The following SRRM2 variants were observed in gnomAD, a reference collection of about 807,000 sequenced individuals.
SRRM2 encodes the protein serine/arginine repetitive matrix protein 2.
In SRRM2, 30 loss-of-function variants were observed where a neutral mutation model predicts 213.8. The ratio of observed to expected loss-of-function variants is 0.14; its 90% CI spans 0.10 to 0.19. The LOEUF (loss-of-function observed/expected upper bound fraction) is 0.19, where lower values mean the gene tolerates loss of function less well. SRRM2 is among the 10% of genes least tolerant of loss of function. The pLI, the probability that SRRM2 is intolerant of heterozygous loss-of-function variation, is 1.00. For missense variants in SRRM2, 4,904 were observed against 3,647.0 expected, an observed-to-expected ratio of 1.34 and a Z score of -8.88; for synonymous variants, 2,025 against 1,377.7, an observed-to-expected ratio of 1.47 and a Z score of -10.40.
Position 2,756,619 on chromosome 16 carries a change from T to C in SRRM2, c.242+13T>C, listed in dbSNP as rs748706384. 6.2e-7 allele frequency: 1 copy of C among 1,605,776 alleles called. No homozygotes were observed. Among genetic ancestry groups the C allele is most frequent in the Admixed American group, 1.7e-5 (1 of 59,428 alleles). On this transcript the variant is annotated intron_variant, in intron 2 of 14. Transcript: ENST00000301740. Reference sequence around the variant, plus strand: ...TGGAAGAGCAGGGGTGAGGGAGAGCTGGGGGAGAGTCAAGCACTGAATGAG... The same window carrying C: ...TGGAAGAGCAGGGGTGAGGGAGAGCCGGGGGAGAGTCAAGCACTGAATGAG...
chr16:2,765,463 A>G lies in SRRM2; in HGVS notation c.4935A>G (p.Arg1645=), dbSNP rs1483491826. The G allele has an allele frequency of 6.2e-7, 1 of 1,614,194 alleles. No homozygotes were observed. Among genetic ancestry groups the G allele is most frequent in the South Asian group, 1.1e-5 (1 of 91,082 alleles). The change falls in exon 11 of 15, where the codon AGA becomes AGG. Residue 1645 remains arginine, a synonymous_variant. Coordinates refer to ENST00000301740, the MANE Select transcript of SRRM2 (RefSeq NM_016333.4). ...GATCAGGTTCATCAAGCAAAGGCAG[A>G]GGCCCTTCTCCTGAAGGAAGCAGCA... The part of the protein sequence containing the change: ...RSRSGSSSKG[R]GPSPEGSSST...
chr16:2,762,409 C>G lies in SRRM2; in HGVS notation c.1881C>G (p.Thr627=), dbSNP rs761796112. ...CACCTGCTAGGCGCAGATCTAGGAC[C>G]CGATCACCAGTACGACGCAGGTCTC... The part of the protein sequence containing the change: ...SRTPARRRSR[T]RSPVRRRSRS... The change falls in exon 11 of 15, where the codon ACC becomes ACG. Residue 627 remains threonine (T), a synonymous_variant. Transcript: ENST00000301740. 6.2e-7 allele frequency: 1 copy of G among 1,613,980 alleles called. No homozygotes were observed. The highest frequency in any genetic ancestry group is 8.5e-7 in the Non-Finnish European group (1 of 1,179,978).
intron 12 of SRRM2, 135 bp from the exon 13 acceptor site, chr16:2,770,201 GGCGGATGGGTGAGTGA>G: frequency 6.9e-7 from 1 of 1,449,290 alleles, no homozygotes; most frequent in South Asian, 1.5e-5. Context: ...ATGGTGTGCG[GGCGGATGGGTGAGTGA>G]GCGGACAAAG....
rs747619364 is a variant in SRRM2 at position 2,770,396 on chromosome 16, G to A, written c.8066G>A (p.Arg2689Gln). The A allele has an allele frequency of 6.8e-6, 11 of 1,609,328 alleles. No individual in the cohort carries two copies. Among genetic ancestry groups the A allele is most frequent in the South Asian group, 2.2e-5 (2 of 89,980 alleles). Reference sequence around the variant, plus strand: ...CCAATAGACTCCCTCAGGGACTCTCGGTCCCTCAGCTACTCGCCTGTGGAG... The same window carrying A: ...CCAATAGACTCCCTCAGGGACTCTCAGTCCCTCAGCTACTCGCCTGTGGAG... ...RKPIDSLRDS[R>Q]SLSYSPVERR... The change falls in exon 13 of 15, where the codon CGG becomes CAG. Residue 2689 changes from arginine to glutamine, a missense_variant. Arg to Gln is a conservative substitution (Grantham distance 43). Transcript: ENST00000301740.
chr16:2,770,943 TG>T lies in SRRM2; in HGVS notation c.*79del, dbSNP rs1164975353. 6.3e-7 allele frequency: 1 copy of T among 1,589,486 alleles called. No individual in the cohort carries two copies. Among genetic ancestry groups the T allele is most frequent in the Non-Finnish European group, 8.6e-7 (1 of 1,161,898 alleles). ...TGTCCCTTCTTCCCCAGCAGAGCCG[TG>T]GGAGGGTCCTTGTCTGCTCTCCTTT... On this transcript the variant is annotated 3_prime_UTR_variant, in exon 15 of 15. Coordinates refer to ENST00000301740, the MANE Select transcript of SRRM2 (RefSeq NM_016333.4).
Position 2,766,611 on chromosome 16 carries a change from G to C in SRRM2, c.6083G>C (p.Arg2028Pro). 1 of 1,613,638 alleles carries C rather than the reference G, an allele frequency of 6.2e-7. No homozygotes were observed. Among genetic ancestry groups the C allele is most frequent in the Non-Finnish European group, 8.5e-7 (1 of 1,179,800 alleles). Residue 2028 changes from arginine to proline, a missense_variant, in exon 11 of 15, where the codon CGC becomes CCC. Arg to Pro is a moderately radical substitution (Grantham distance 103). Coordinates refer to ENST00000301740, the MANE Select transcript of SRRM2 (RefSeq NM_016333.4). The surrounding 1 kb of genome is among the most constrained non-coding windows in gnomAD (Gnocchi z 7.0). The stretch of plus-strand genomic sequence containing the variant: ...TCCCGGACACCTCCAGCTATTCGGC[G>C]CCGCTCTAGATCTCGAACGCCACTG... ...SRSRTPPAIR[R>P]RSRSRTPLLP...
At chr16:2,756,741 T>C (rs1232932204) in intron 2 of SRRM2, 135 bp downstream of exon 2, 3 of 1,253,094 alleles carry the variant, frequency 2.4e-6, no homozygotes, top group Non-Finnish European at 3.2e-6. Context: ...GCAGATGAGC[T>C]CTAGAGAAGT....
intron 2 of SRRM2, among the ~76,000 whole-genome samples, 168 bp from the exon 3 acceptor site, chr16:2,757,304 G>A (rs1042937138): frequency 3.3e-5 from 5 of 152,044 alleles, no homozygotes; most frequent in African/African-American, 1.2e-4. Flanking sequence ...GTAAGTAGAG[G>A]GAAGAAAGAT....
In SRRM2 at chr16:2,752,731, T is replaced by A. The variant is rs1424269601; in HGVS notation, c.-147T>A. The stretch of plus-strand genomic sequence containing the variant: ...GAAGCGAGGAGGCGTCGGCGTCGGC[T>A]GAGGCGGGCGGACCGGCGAGGCGAG... On this transcript the variant is annotated 5_prime_UTR_variant, in exon 1 of 15. Transcript: ENST00000301740. 2.9e-6 allele frequency: 1 copy of A among 350,594 alleles called. No individual in the cohort carries two copies. The highest frequency in any genetic ancestry group is 1.9e-5 in the South Asian group (1 of 52,024). The allele number at this position is 350,594 out of a possible 1,614,324, so 21.7% of individuals were successfully genotyped here.
chr16:2,764,465 G>A lies in SRRM2; in HGVS notation c.3937G>A (p.Glu1313Lys). The A allele has an allele frequency of 6.2e-7, 1 of 1,613,004 alleles. No homozygotes were observed. Among genetic ancestry groups the A allele is most frequent in the East Asian group, 2.2e-5 (1 of 44,888 alleles). The change falls in exon 11 of 15, where the codon GAA (glutamate) becomes AAA (lysine). Residue 1313 changes from glutamate to lysine, a missense_variant. Coordinates refer to ENST00000301740, the MANE Select transcript of SRRM2 (RefSeq NM_016333.4). Reference protein sequence around the residue: ...SSWGGPHFSPEHKELSNSPLR... With the variant: ...SSWGGPHFSPKHKELSNSPLR... ...TTGGGGTGGGCCACATTTTTCTCCAGAACATAAAGAACTGTCTAACTCCCC... is the reference window on the plus strand; with the variant it reads ...TTGGGGTGGGCCACATTTTTCTCCAAAACATAAAGAACTGTCTAACTCCCC...
At position 2,756,558 on chromosome 16, in the gene SRRM2, G is replaced by A. The variant is rs764205524; in HGVS notation, c.194G>A (p.Arg65His). Residue 65 changes from arginine to histidine, a missense_variant, in exon 2 of 15, where the codon CGC becomes CAC. Coordinates refer to ENST00000301740, the MANE Select transcript of SRRM2 (RefSeq NM_016333.4). ...ATCCTGGACCACGAGCGCAAGCGGCGCGTCGAGCTGCGATGCCTCGAGCTG... is the reference window on the plus strand; with the variant it reads ...ATCCTGGACCACGAGCGCAAGCGGCACGTCGAGCTGCGATGCCTCGAGCTG... ...PDILDHERKR[R>H]VELRCLELEE... 7 of 1,614,056 alleles carry A rather than the reference G, an allele frequency of 4.3e-6. No individual in the cohort carries two copies. Among genetic ancestry groups the A allele is most frequent in the South Asian group, 1.1e-5 (1 of 91,076 alleles).
rs377450912 is a variant in SRRM2, at chr16:2,767,925, C to G, written c.7397C>G (p.Thr2466Ser). 11 of 1,614,066 alleles carry G rather than the reference C, an allele frequency of 6.8e-6. No homozygotes were observed. The African/African-American group carries it at 1.2e-4, about 18-fold the overall frequency. The stretch of plus-strand genomic sequence containing the variant: ...CAATCCCGTTGTTTGATTGCCCAGA[C>G]CACCCCTGTAGCAGGGTCTCAGTCC... The part of the protein sequence containing the change: ...SDQSRCLIAQ[T>S]TPVAGSQSLS... Residue 2466 changes from threonine to serine, a missense_variant, in exon 11 of 15, where the codon ACC (threonine) becomes AGC (serine). Transcript: ENST00000301740.
Position 2,767,565 on chromosome 16 carries a change from C to T in SRRM2, c.7037C>T (p.Ala2346Val), listed in dbSNP as rs2068586340. Residue 2346 changes from alanine (A) to valine (V), a missense_variant, in exon 11 of 15, where the codon GCC (alanine) becomes GTC (valine). Physicochemically the swap from Ala to Val is moderately conservative, Grantham distance 64 (BLOSUM62 0). Coordinates refer to ENST00000301740, the MANE Select transcript of SRRM2 (RefSeq NM_016333.4). Reference sequence around the variant, plus strand: ...CTGGTGGGTCCTCGGTCTGCACATGCCACAGCTCCTGTGAATATTGCCGGC... The same window carrying T: ...CTGGTGGGTCCTCGGTCTGCACATGTCACAGCTCCTGTGAATATTGCCGGC... ...ANLVGPRSAH[A>V]TAPVNIAGSR... The T allele has an allele frequency of 6.8e-6, 11 of 1,614,222 alleles. No homozygotes were observed. Among genetic ancestry groups the T allele is most frequent in the Non-Finnish European group, 9.3e-6 (11 of 1,180,026 alleles).
chr16:2,758,570 C>CTG, intron 5 of SRRM2, 23 bp downstream of exon 5: 1 of 1,603,060 alleles, frequency 6.2e-7, no homozygotes, highest in Middle Eastern at 1.7e-4. Flanking sequence ...GAAAGTGACT[C>CTG]TGATAGCCAG....
chr16:2,764,189 G>A lies in SRRM2; in HGVS notation c.3661G>A (p.Glu1221Lys). ...AAGAAGTGGTGCTGGGTCATCTCCA[G>A]AAACAAAAGAGCAAAATAGTGCATT... is the stretch of plus-strand genomic sequence containing the variant. ...RERSGAGSSP[E>K]TKEQNSALPT... is the part of the protein sequence containing the mutation. The change falls in exon 11 of 15, where the codon GAA (glutamate) becomes AAA (lysine). Residue 1221 changes from glutamate (E) to lysine (K), a missense_variant. Glu to Lys is a moderately conservative substitution (Grantham distance 56, BLOSUM62 1). Transcript: ENST00000301740. 1 of 1,614,246 alleles carries A rather than the reference G, an allele frequency of 6.2e-7. No homozygotes were observed.
chr16:2,759,687 A>G (rs890855416), intron 9 of SRRM2, 26 bp downstream of exon 9: 2 of 1,593,140 alleles, frequency 1.3e-6, no homozygotes, highest in African/African-American at 2.7e-5. Context: ...GGAGGAAGGG[A>G]GGGAGAGGGA....
rs2068137444 is a variant in SRRM2, at chr16:2,756,301, G to A, written c.-31-33G>A. 8.8e-6 allele frequency: 13 copies of A among 1,483,552 alleles called. No homozygotes were observed. The South Asian group carries it at 1.2e-4, about 14-fold the overall frequency. 91.9% of individuals were successfully genotyped at this position (1,483,552 alleles called of 1,614,324 possible). A position where few individuals can be genotyped will look rare whatever the true frequency, so the allele number is the denominator to read the frequency against. ...CGGTAAGTGGTTAGTTTGGGGCCAGGGGCCTGACCCGTGTCTCCCCGCTCC... is the reference window on the plus strand; with the variant it reads ...CGGTAAGTGGTTAGTTTGGGGCCAGAGGCCTGACCCGTGTCTCCCCGCTCC... On this transcript the variant is annotated intron_variant, in intron 1 of 14. Transcript: ENST00000301740.
In SRRM2 at chr16:2,769,000, C is replaced by A; in HGVS notation, c.7737C>A (p.Val2579=). The A allele has an allele frequency of 6.2e-7, 1 of 1,613,188 alleles. No individual in the cohort carries two copies. The highest frequency in any genetic ancestry group is 8.5e-7 in the Non-Finnish European group (1 of 1,179,480). ...TGACACTCCTCTCCTCCCACAGGGTCCCCAGCCCCACCCCAGCCCCAAAGG... is the reference window on the plus strand; with the variant it reads ...TGACACTCCTCTCCTCCCACAGGGTACCCAGCCCCACCCCAGCCCCAAAGG... ...PVQPEVALKR[V]PSPTPAPKEA... Residue 2579 remains valine, a synonymous_variant, in exon 12 of 15, where the codon GTC becomes GTA. Coordinates refer to ENST00000301740, the MANE Select transcript of SRRM2 (RefSeq NM_016333.4).
Position 2,760,391 on chromosome 16 carries a change from G to A in SRRM2, c.924G>A (p.Ala308=), listed in dbSNP as rs143168046. 2.7e-5 allele frequency: 44 copies of A among 1,614,032 alleles called. No individual in the cohort carries two copies. The highest frequency in any genetic ancestry group is 1.1e-4 in the East Asian group (5 of 44,898). ...CAGGGCGACGCGGGGAGGGAGATGC[G>A]CCTTTCAGTGAACCAGGTACTACCA... is the stretch of plus-strand genomic sequence containing the variant. ...PASGRRGEGD[A]PFSEPGTTST... Residue 308 remains alanine, a synonymous_variant, in exon 10 of 15, where the codon GCG becomes GCA. Transcript: ENST00000301740.
Sources: allele counts gnomAD v4.1 joint callset (sites outside exome capture counted in the v4.1 genomes callset), GRCh38; gene constraint gnomAD v4.1.1; non-coding constraint Gnocchi (gnomAD v3.1); transcripts MANE v1.5; gene names NCBI Gene and HGNC (gene_info 2026-07-23, HGNC 2026-07-21).